The following RABGAP1L variants were observed in gnomAD, a reference collection of about 807,000 sequenced individuals.
The protein encoded by RABGAP1L is RAB GTPase activating protein 1 like.
Under a neutral mutation model 137.7 loss-of-function variants are expected in RABGAP1L, and 63 were observed. The ratio of observed to expected loss-of-function variants is 0.46; its 90% confidence interval spans 0.37 to 0.56. The LOEUF (loss-of-function observed/expected upper bound fraction) is 0.56. Ranked by LOEUF, RABGAP1L falls within the 20% of genes least tolerant of loss-of-function variation. RABGAP1L has a pLI of 0.00. For synonymous variants in RABGAP1L, 431 were observed against 433.7 expected, an observed-to-expected ratio of 0.99 and a Z score of 0.08; for missense variants, 1,095 against 1,244.0, an observed-to-expected ratio of 0.88 and a Z score of 1.80.
chr1:174,641,456 A>G (rs1381733097), intron 14 of RABGAP1L, among the ~76,000 whole-genome samples: 1 of 152,136 alleles, frequency 6.6e-6, no homozygotes, highest in Non-Finnish European at 1.5e-5. Flanking sequence ...CTGCAGATGA[A>G]GAGGTTTGCA....
At chr1:174,504,781 TA>T (rs1661660862) in intron 13 of RABGAP1L, among the ~76,000 whole-genome samples, 2 of 152,246 alleles carry the variant, frequency 1.3e-5, no homozygotes, top group African/African-American at 4.8e-5. Flanking sequence ...GAAGACAGTG[TA>T]GGGGAAAAGC....
At chr1:174,713,340 ATAT>A (rs1333690355) in intron 17 of RABGAP1L, among the ~76,000 whole-genome samples, 3 of 152,194 alleles carry the variant, frequency 2.0e-5, no homozygotes, top group Admixed American at 6.5e-5. Flanking sequence ...TATTTGAAAA[ATAT>A]TATTGCAGTC....
intron 13 of RABGAP1L, among the ~76,000 whole-genome samples, chr1:174,412,959 G>A (rs1650118006): frequency 6.6e-6 from 1 of 152,102 alleles, no homozygotes; most frequent in African/African-American, 2.4e-5. Flanking sequence ...TTCATTTTGT[G>A]TAGTATCTCA....
rs909397955 is a variant in RABGAP1L, at chr1:174,936,971, A to ATTTTTTTTT, written c.2341-20470_2341-20462dup. ...AAGGACCATAATTTTTATAAGATTAATTTTTTTTTTTTTTTTTTTTTTTTG... is the reference window on the plus strand; with the variant it reads ...AAGGACCATAATTTTTATAAGATTAATTTTTTTTTTTTTTTTTTTTTTTTTTTTTTTTTG... On this transcript the variant is annotated intron_variant, in intron 19 of 25. Coordinates refer to ENST00000681986, the MANE Select transcript of RABGAP1L (RefSeq NM_001366446.1). Among the ~76,000 whole-genome samples, 196 of 101,516 alleles carry ATTTTTTTTT rather than the reference A, an allele frequency of 1.9e-3. 8 individuals are homozygous for ATTTTTTTTT. The highest frequency in any genetic ancestry group is 7.5e-3 in the African/African-American group (172 of 22,814). 66.6% of individuals were successfully genotyped at this position (101,516 alleles called of 152,430 possible).
intron 13 of RABGAP1L, among the ~76,000 whole-genome samples, chr1:174,525,615 A>G (rs930795905): frequency 3.3e-5 from 5 of 151,994 alleles, no homozygotes; most frequent in Admixed American, 6.6e-5. Flanking sequence ...CTCACTTCCA[A>G]TTTGTATGTC....
chr1:174,742,715 T>A (rs1683546174), intron 17 of RABGAP1L, among the ~76,000 whole-genome samples: 1 of 152,188 alleles, frequency 6.6e-6, no homozygotes, highest in African/African-American at 2.4e-5. Flanking sequence ...GGTTGACTGA[T>A]AACTATAACT....
chr1:174,383,168 C>T (rs1209342498), intron 12 of RABGAP1L, among the ~76,000 whole-genome samples: 6 of 150,614 alleles, frequency 4.0e-5, no homozygotes, highest in African/African-American at 1.5e-4. Flanking sequence ...CAGCTGCGTG[C>T]TGGGAGAACC....
intron 5 of RABGAP1L, among the ~76,000 whole-genome samples, chr1:174,247,450 AGGGATCC>A (rs1672361161): frequency 6.6e-6 from 1 of 152,200 alleles, no homozygotes; most frequent in African/African-American, 2.4e-5. Context: ...AGAGATGAAA[AGGGATCC>A]TTGGGAAATT....
intron 21 of RABGAP1L, among the ~76,000 whole-genome samples, chr1:174,974,259 G>C (rs558466864): frequency 6.6e-4 from 100 of 152,070 alleles, no homozygotes; most frequent in South Asian, 3.1e-3. Flanking sequence ...CAGGGTGCTG[G>C]GATTACAGAT....
intron 13 of RABGAP1L, among the ~76,000 whole-genome samples, chr1:174,536,680 T>C (rs1267019963): frequency 6.6e-6 from 1 of 152,152 alleles, no homozygotes; most frequent in East Asian, 1.9e-4. Flanking sequence ...AAAATATCTT[T>C]TGGAAATCAT....
intron 19 of RABGAP1L, among the ~76,000 whole-genome samples, chr1:174,843,975 C>T (rs1693769571): frequency 7.4e-6 from 1 of 135,518 alleles, no homozygotes. Context: ...TCTCTGATGG[C>T]CAGTGATGAT....
intron 13 of RABGAP1L, among the ~76,000 whole-genome samples, chr1:174,576,036 A>G (rs1184884053): frequency 6.6e-6 from 1 of 152,240 alleles, no homozygotes; most frequent in Non-Finnish European, 1.5e-5. Context: ...TTTACAGTAT[A>G]GTGTGTGCAT....
Position 174,595,810 on chromosome 1 carries a change from T to A in RABGAP1L, c.1711-41565T>A, listed in dbSNP as rs1334053035. On this transcript the variant is annotated intron_variant, in intron 13 of 25. Coordinates refer to ENST00000681986, the MANE Select transcript of RABGAP1L (RefSeq NM_001366446.1). ...GCAGAGGTTACTGCTGTCTTTTTGT[T>A]TGTCTGTGCCCTGCCCCCAGAGGTG... is the stretch of plus-strand genomic sequence containing the variant. 4.9e-5 allele frequency among the ~76,000 whole-genome samples: 4 copies of A among 81,824 alleles called. 1 individual carries two copies. The highest frequency in any genetic ancestry group is 8.3e-4 in the South Asian group (2 of 2,398). The allele number at this position is 81,824 out of a possible 152,430, so 53.7% of individuals were successfully genotyped here.
At chr1:174,972,907 C>T (rs1670277223) in intron 21 of RABGAP1L, among the ~76,000 whole-genome samples, 2 of 146,994 alleles carry the variant, frequency 1.4e-5, no homozygotes, top group Admixed American at 6.7e-5. Context: ...AATTTGGGCT[C>T]AAAGGTAGAA....
At chr1:174,328,769 C>A (rs1213991954) in intron 11 of RABGAP1L, among the ~76,000 whole-genome samples, 1 of 151,956 alleles carries the variant, frequency 6.6e-6, no homozygotes, top group African/African-American at 2.4e-5. Flanking sequence ...GACTCCATCT[C>A]TAAATAAATA....
chr1:174,494,617 G>A (rs946292076), intron 13 of RABGAP1L, among the ~76,000 whole-genome samples: 2 of 152,022 alleles, frequency 1.3e-5, no homozygotes, highest in Non-Finnish European at 2.9e-5. Flanking sequence ...CATTACTAAC[G>A]TAAAATTTTT....
At chr1:174,875,556 A>C in intron 19 of RABGAP1L, 1 of 985,434 alleles carries the variant, frequency 1.0e-6, no homozygotes, top group Non-Finnish European at 1.2e-6. Flanking sequence ...GGAAGCTCTG[A>C]GTCACTGAAT....
intron 19 of RABGAP1L, among the ~76,000 whole-genome samples, chr1:174,844,166 T>C (rs1218424602): frequency 2.1e-5 from 3 of 142,326 alleles, no homozygotes; most frequent in East Asian, 2.1e-4. Context: ...TTCTCCCATG[T>C]TGTAGGTTGC....
chr1:174,928,465 A>G (rs1017718204), intron 19 of RABGAP1L, among the ~76,000 whole-genome samples: 5 of 151,876 alleles, frequency 3.3e-5, no homozygotes, highest in Admixed American at 2.0e-4. Context: ...ACGTATAATG[A>G]TGAATAAACA....
Sources: allele counts gnomAD v4.1 joint callset (sites outside exome capture counted in the v4.1 genomes callset), GRCh38; gene constraint gnomAD v4.1.1; transcripts MANE v1.5; gene names NCBI Gene and HGNC (gene_info 2026-07-23, HGNC 2026-07-21).